RIMS1: variants seen among roughly 807,000 people sequenced by gnomAD.
The protein encoded by RIMS1 is regulating synaptic membrane exocytosis 1.
A neutral mutation model predicts 214.1 loss-of-function variants in RIMS1; 83 were observed. The observed-to-expected ratio is 0.39, with a 90% CI of 0.32 to 0.47. The LOEUF is 0.47. Among genes scored for constraint, RIMS1 ranks in the 20% least tolerant of loss-of-function variants. RIMS1 has a pLI of 0.99. For synonymous variants in RIMS1, 793 were observed against 786.8 expected, an observed-to-expected ratio of 1.01 and a Z score of -0.13; for missense variants, 2,050 against 2,161.8, an observed-to-expected ratio of 0.95 and a Z score of 1.03.
At chr6:72,204,928 A>T (rs1175849794) in intron 6 of RIMS1, among the ~76,000 whole-genome samples, 2 of 152,116 alleles carry the variant, frequency 1.3e-5, no homozygotes, top group Non-Finnish European at 2.9e-5. Context: ...AATTCTTGGC[A>T]TATCTGTTAA....
chr6:72,344,039 A>G lies in RIMS1; in HGVS notation c.4366+10204A>G, dbSNP rs78689682. 4.5e-3 allele frequency among the ~76,000 whole-genome samples: 684 copies of G among 151,968 alleles called. 2 individuals carry two copies. Among genetic ancestry groups the G allele is most frequent in the South Asian group, 7.2e-3 (35 of 4,830 alleles). On this transcript the variant is annotated intron_variant, in intron 29 of 33. Transcript: ENST00000521978. Reference sequence around the variant, plus strand: ...AATGAGTTCAAGGTATTATTTTAAAATTCTTATGGTCCTTAGACAATAATT... The same window carrying G: ...AATGAGTTCAAGGTATTATTTTAAAGTTCTTATGGTCCTTAGACAATAATT...
At chr6:72,268,986 A>C (rs2081817953) in intron 22 of RIMS1, among the ~76,000 whole-genome samples, 1 of 152,168 alleles carries the variant, frequency 6.6e-6, no homozygotes, top group African/African-American at 2.4e-5. Flanking sequence ...TTTCAAACAA[A>C]TTGTTACTTA....
chr6:72,165,235 C>T (rs1362897332), intron 4 of RIMS1, among the ~76,000 whole-genome samples: 1 of 152,042 alleles, frequency 6.6e-6, no homozygotes, highest in Non-Finnish European at 1.5e-5. Context: ...TCTGTTTTGT[C>T]TAATTTGAAA....
At chr6:72,146,132 A>G (rs2042717159) in intron 4 of RIMS1, among the ~76,000 whole-genome samples, 1 of 152,226 alleles carries the variant, frequency 6.6e-6, no homozygotes, top group Non-Finnish European at 1.5e-5. Flanking sequence ...CTTGTTCTGC[A>G]TGACATTCAT....
At chr6:72,076,804 A>T (rs1290665194) in intron 2 of RIMS1, among the ~76,000 whole-genome samples, 1 of 151,884 alleles carries the variant, frequency 6.6e-6, no homozygotes, top group Non-Finnish European at 1.5e-5. Context: ...CAGCATAAGC[A>T]CTCTTTCAAA....
In RIMS1 at chr6:72,338,117, G is replaced by A. The variant is rs2096911198; in HGVS notation, c.4366+4282G>A. On this transcript the variant is annotated intron_variant, in intron 29 of 33. Transcript: ENST00000521978. ...TTGGGTATATACCCAGTAATGGGAT[G>A]GCTGGGTCAAATGGTATTTCTAGTT... Among the ~76,000 whole-genome samples, 5 of 151,690 alleles carry A rather than the reference G, an allele frequency of 3.3e-5. No individual in the cohort carries two copies. In the South Asian group the frequency reaches 1.0e-3, roughly 32 times the overall value.
intron 2 of RIMS1, among the ~76,000 whole-genome samples, chr6:72,060,930 A>G (rs1326117130): frequency 2.0e-5 from 3 of 152,178 alleles, no homozygotes; most frequent in Admixed American, 6.5e-5. Flanking sequence ...TATTTGTTGA[A>G]TGAGAAAATT....
At chr6:72,144,607 T>A (rs1000599053) in intron 4 of RIMS1, among the ~76,000 whole-genome samples, 1 of 151,878 alleles carries the variant, frequency 6.6e-6, no homozygotes, top group African/African-American at 2.4e-5. Context: ...TTAGCTCCCA[T>A]GGTCTTCTTT....
At chr6:72,111,787 T>C (rs1033402713) in intron 4 of RIMS1, among the ~76,000 whole-genome samples, 1 of 152,140 alleles carries the variant, frequency 6.6e-6, no homozygotes. Flanking sequence ...ACTCCCACTC[T>C]AGCATTCCTA....
intron 2 of RIMS1, among the ~76,000 whole-genome samples, chr6:72,018,984 A>G (rs1421787226): frequency 2.0e-5 from 3 of 152,146 alleles, no homozygotes; most frequent in African/African-American, 4.8e-5. Flanking sequence ...TTTTTAGATG[A>G]CCTGCTTGAT....
chr6:72,194,559 A>G (rs1019035642), intron 6 of RIMS1, among the ~76,000 whole-genome samples: 1 of 152,184 alleles, frequency 6.6e-6, no homozygotes, highest in Non-Finnish European at 1.5e-5. Context: ...AATAAGGAAT[A>G]ATTACACAAT....
intron 1 of RIMS1, among the ~76,000 whole-genome samples, chr6:71,958,938 T>G (rs868208576): frequency 2.6e-5 from 4 of 152,162 alleles, no homozygotes; most frequent in African/African-American, 9.6e-5. Flanking sequence ...TTTACAAGAT[T>G]TATTTGCTTT....
At chr6:71,954,671 T>G (rs908205786) in intron 1 of RIMS1, among the ~76,000 whole-genome samples, 1 of 151,994 alleles carries the variant, frequency 6.6e-6, no homozygotes, top group Non-Finnish European at 1.5e-5. Context: ...AATTTTGACG[T>G]TTTTTAGTCT....
intron 4 of RIMS1, among the ~76,000 whole-genome samples, chr6:72,141,746 T>C (rs1011209858): frequency 1.3e-5 from 2 of 151,890 alleles, no homozygotes; most frequent in Admixed American, 6.6e-5. Context: ...AAATCTTTGG[T>C]GTTATATTTT....
In RIMS1 at chr6:72,182,899, G is replaced by A; in HGVS notation, c.1428G>A (p.Leu476=). ...AGCCCCTCAGGAAGCAGAGCCGCCT[G>A]GACCCCAGCTCGGCGGTCCTCATGC... The part of the protein sequence containing the change: ...AQEPLRKQSR[L]DPSSAVLMRK... The change falls in exon 6 of 34, where the codon CTG becomes CTA. Residue 476 remains leucine, a synonymous_variant. Coordinates refer to ENST00000521978, the MANE Select transcript of RIMS1 (RefSeq NM_014989.7). 1.3e-6 allele frequency: 2 copies of A among 1,574,554 alleles called. No individual in the cohort carries two copies. The highest frequency in any genetic ancestry group is 1.7e-6 in the Non-Finnish European group (2 of 1,161,586).
intron 4 of RIMS1, among the ~76,000 whole-genome samples, chr6:72,174,364 T>C (rs1167763735): frequency 6.6e-6 from 1 of 152,230 alleles, no homozygotes; most frequent in Non-Finnish European, 1.5e-5. Flanking sequence ...AGAATTGATA[T>C]TGTCACTTTT....
chr6:72,293,393 ATAAT>A (rs913278799), intron 26 of RIMS1, among the ~76,000 whole-genome samples: 3 of 151,934 alleles, frequency 2.0e-5, no homozygotes, highest in Non-Finnish European at 2.9e-5. Flanking sequence ...AAAATTATTC[ATAAT>A]TAATCTGGCA....
At chr6:71,989,952 G>C (rs1414713964) in intron 2 of RIMS1, among the ~76,000 whole-genome samples, 1 of 152,022 alleles carries the variant, frequency 6.6e-6, no homozygotes, top group African/African-American at 2.4e-5. Flanking sequence ...GCTGTCCATC[G>C]TGTCAGGGAC....
rs1221806213 is a variant in RIMS1, at chr6:72,290,879, C to A, written c.3737+18C>A. ...CTGACAAGGTCGCTATTCAGTGTCC[C>A]CCTCAGCATTCATGTCCTGCCTCCG... On this transcript the variant is annotated intron_variant, in intron 25 of 33. Coordinates refer to ENST00000521978, the MANE Select transcript of RIMS1 (RefSeq NM_014989.7). 1 of 1,609,212 alleles carries A rather than the reference C, an allele frequency of 6.2e-7. No homozygotes were observed. Among genetic ancestry groups the A allele is most frequent in the Non-Finnish European group, 8.5e-7 (1 of 1,177,720 alleles).
Sources: allele counts gnomAD v4.1 joint callset (sites outside exome capture counted in the v4.1 genomes callset), GRCh38; gene constraint gnomAD v4.1.1; transcripts MANE v1.5; gene names NCBI Gene and HGNC (gene_info 2026-07-23, HGNC 2026-07-21).